Variants in UNC5B observed in about 807,000 individuals in gnomAD.
UNC5B encodes the protein unc-5 netrin receptor B, also known as netrin receptor UNC5B.
Under a neutral mutation model 103.7 loss-of-function variants are expected in UNC5B, and 56 were observed. The observed-to-expected ratio is 0.54, with a 90% confidence interval of 0.44 to 0.67. The LOEUF is 0.67. Among genes scored for constraint, UNC5B ranks in the 30% least tolerant of loss-of-function variants. UNC5B has a pLI of 0.00. For synonymous variants in UNC5B, 577 were observed against 542.0 expected, an observed-to-expected ratio of 1.06 and a Z score of -0.90; for missense variants, 1,194 against 1,284.5, an observed-to-expected ratio of 0.93 and a Z score of 1.08.
chr10:71,247,660 TCC>T (rs1398737288), intron 1 of UNC5B, among the ~76,000 whole-genome samples: 8 of 151,944 alleles, frequency 5.3e-5, no homozygotes, highest in Non-Finnish European at 8.8e-5. Context: ...ACACCCCCAG[TCC>T]CCAGGCCCCA....
At chr10:71,287,124 C>G (rs899388007) in intron 5 of UNC5B, among the ~76,000 whole-genome samples, 17 of 152,338 alleles carry the variant, frequency 1.1e-4, no homozygotes, top group African/African-American at 4.1e-4. Context: ...TGAGGCAGGG[C>G]CCAGTCAGTA....
At chr10:71,293,638 C>G in intron 12 of UNC5B, 62 bp from the exon 13 acceptor site, 4 of 1,608,412 alleles carry the variant, frequency 2.5e-6, no homozygotes, top group Non-Finnish European at 3.4e-6. Context: ...AAAGAAAGCC[C>G]TTTTCCTCTG....
chr10:71,226,786 G>T (rs1843572730), intron 1 of UNC5B, among the ~76,000 whole-genome samples: 1 of 152,036 alleles, frequency 6.6e-6, no homozygotes, highest in South Asian at 2.1e-4. Flanking sequence ...ATGAATCTGA[G>T]GAAACAAAAT....
At chr10:71,223,425 T>C (rs1356177073) in intron 1 of UNC5B, among the ~76,000 whole-genome samples, 2 of 152,202 alleles carry the variant, frequency 1.3e-5, no homozygotes, top group East Asian at 3.9e-4. Flanking sequence ...CCCTCCTGCC[T>C]GCCTGCTTCC....
chr10:71,255,678 T>C (rs1844274777), intron 1 of UNC5B, among the ~76,000 whole-genome samples: 1 of 152,174 alleles, frequency 6.6e-6, no homozygotes, highest in South Asian at 2.1e-4. Flanking sequence ...ACCCCTGTGA[T>C]CTCATTTAAT....
intron 1 of UNC5B, among the ~76,000 whole-genome samples, chr10:71,215,786 T>G (rs1191075848): frequency 1.4e-5 from 2 of 147,550 alleles, no homozygotes; most frequent in Non-Finnish European, 3.0e-5. Context: ...AAAATCAGAG[T>G]TTTTGTAGTG....
At chr10:71,287,192 A>C (rs1264714580) in intron 5 of UNC5B, among the ~76,000 whole-genome samples, 1 of 152,154 alleles carries the variant, frequency 6.6e-6, no homozygotes, top group African/African-American at 2.4e-5. Flanking sequence ...CTTGTGAGCT[A>C]TTCTCTGCTG....
At chr10:71,254,033 A>G (rs1041478024) in intron 1 of UNC5B, among the ~76,000 whole-genome samples, 18 of 152,290 alleles carry the variant, frequency 1.2e-4, no homozygotes, top group Admixed American at 9.8e-4. Flanking sequence ...CACAGGGGGA[A>G]ACGGATGCCT....
In UNC5B at chr10:71,216,910, C is replaced by T. The variant is rs1843341603; in HGVS notation, c.79+3846C>T. Among the ~76,000 whole-genome samples, 3 of 152,330 alleles carry T rather than the reference C, an allele frequency of 2.0e-5. No homozygotes were observed. The South Asian group carries it at 6.2e-4, about 32-fold the overall frequency. On this transcript the variant is annotated intron_variant, in intron 1 of 16. Transcript: ENST00000335350. Reference sequence around the variant, plus strand: ...TGGTACCTCCCTCCCCCAGGGCCTGCAGGCAGCCCGTCTTTTGACCCTCAG... The same window carrying T: ...TGGTACCTCCCTCCCCCAGGGCCTGTAGGCAGCCCGTCTTTTGACCCTCAG...
intron 16 of UNC5B, among the ~76,000 whole-genome samples, chr10:71,298,611 AAAAT>A (rs1397695779): frequency 2.6e-4 from 39 of 152,130 alleles, no homozygotes; most frequent in Admixed American, 1.2e-3. Context: ...TGAGTCTCAA[AAAAT>A]AAATAAATAA....
chr10:71,296,527 G>T (rs758990104), intron 14 of UNC5B, 51 bp from the exon 15 acceptor site: 24 of 1,598,178 alleles, frequency 1.5e-5, no homozygotes, highest in Middle Eastern at 3.3e-4. Context: ...TTTCTATGAG[G>T]ACAGGGCAGG....
rs554162045 is a variant in UNC5B, at chr10:71,295,866, C to T, written c.2231C>T (p.Pro744Leu). ...LGGYLVEEPKPLMFKDSYHNL... is the reference protein window; with the variant it reads ...LGGYLVEEPKLLMFKDSYHNL... ...GGATACTTGGTGGAGGAGCCGAAAC[C>T]GCTAATGTTCAAGGACAGTTACCAC... The change falls in exon 14 of 17, where the codon CCG (proline) becomes CTG (leucine). Residue 744 changes from proline to leucine, a missense_variant. Transcript: ENST00000335350. The T allele has an allele frequency of 1.4e-5, 23 of 1,613,236 alleles. No individual in the cohort carries two copies. Among genetic ancestry groups the T allele is most frequent in the Middle Eastern group, 1.9e-4 (1 of 5,250 alleles).
chr10:71,216,449 CCAA>C (rs1843330752), intron 1 of UNC5B, among the ~76,000 whole-genome samples: 1 of 152,118 alleles, frequency 6.6e-6, no homozygotes, highest in African/African-American at 2.4e-5. Context: ...AGGCAAGTGC[CCAA>C]AGGTGGCTCC....
intron 1 of UNC5B, among the ~76,000 whole-genome samples, chr10:71,243,588 A>G (rs1482761066): frequency 6.6e-6 from 1 of 152,236 alleles, no homozygotes; most frequent in Non-Finnish European, 1.5e-5. Context: ...CAAGTGCCCA[A>G]CACCAAGGTT....
At chr10:71,246,841 C>G (rs866005033) in intron 1 of UNC5B, among the ~76,000 whole-genome samples, 2 of 152,194 alleles carry the variant, frequency 1.3e-5, no homozygotes, top group Non-Finnish European at 2.9e-5. Flanking sequence ...GCTGACCAGC[C>G]GGCAGGCTCC....
chr10:71,287,866 G>A, intron 6 of UNC5B, 101 bp downstream of exon 6: 1 of 1,472,876 alleles, frequency 6.8e-7, no homozygotes, highest in East Asian at 2.6e-5. Context: ...AGCATGGGGA[G>A]CAGAAGGTGC....
intron 1 of UNC5B, among the ~76,000 whole-genome samples, chr10:71,230,996 C>A (rs1843670354): frequency 2.6e-5 from 4 of 152,190 alleles, no homozygotes; most frequent in African/African-American, 7.2e-5. Context: ...AAGTCATTGT[C>A]CCATTTAACC....
chr10:71,240,091 T>G (rs916445106), intron 1 of UNC5B, among the ~76,000 whole-genome samples: 7 of 142,622 alleles, frequency 4.9e-5, no homozygotes, highest in African/African-American at 1.8e-4. Context: ...CCACCCACCC[T>G]CACGGTCTCT....
chr10:71,299,248 G>T lies in UNC5B; in HGVS notation c.2809G>T (p.Val937Leu), dbSNP rs1226871090. The T allele has an allele frequency of 6.2e-7, 1 of 1,614,176 alleles. No homozygotes were observed. Among genetic ancestry groups the T allele is most frequent in the Admixed American group, 1.7e-5 (1 of 60,028 alleles). Residue 937 changes from valine (V) to leucine (L), a missense_variant, in exon 17 of 17, where the codon GTG becomes TTG. Transcript: ENST00000335350. ...GGAGATGGGCAAGAGTGAGATGCTG[G>T]TGGCTGTGGCCACCGACGGGGACTG... ...LEEMGKSEML[V>L]AVATDGDC
Sources: allele counts gnomAD v4.1 joint callset (sites outside exome capture counted in the v4.1 genomes callset), GRCh38; gene constraint gnomAD v4.1.1; transcripts MANE v1.5; gene names NCBI Gene and HGNC (gene_info 2026-07-23, HGNC 2026-07-21).